The following EBF4 variants were observed in gnomAD, a reference collection of about 807,000 sequenced individuals.
The protein encoded by EBF4 is transcription factor COE4.
EBF4 carries 34 observed loss-of-function variants against 67.1 expected under a neutral mutation model. The observed-to-expected ratio is 0.51, with a 90% CI of 0.39 to 0.67. EBF4 has a LOEUF of 0.67. Among genes scored for constraint, EBF4 ranks in the 30% least tolerant of loss-of-function variants. The probability of loss-of-function intolerance (pLI) is 0.00; values close to 1 mark genes in which losing one functional copy is unlikely to be tolerated. For missense variants in EBF4, 837 were observed against 873.3 expected (o/e 0.96, Z 0.52); for synonymous variants, 387 against 377.7 (o/e 1.02, Z -0.29).
At position 2,724,492 on chromosome 20, in the gene EBF4, TC is replaced by T. The variant is rs1298228898; in HGVS notation, c.557+14851del. Among the ~76,000 whole-genome samples, 4 of 152,360 alleles carry T rather than the reference TC, an allele frequency of 2.6e-5. No homozygotes were observed. The East Asian group carries it at 7.7e-4, about 29-fold the overall frequency. ...AAGATTGGCTGGTAATAAATTGTGT[TC>T]TCACTTTTGTCTTTGTATGACTCCG... On this transcript the variant is annotated intron_variant, in intron 6 of 16. Coordinates refer to ENST00000609451, the Ensembl canonical transcript of EBF4.
chr20:2,702,377 A>G (rs2087388799), intron 1 of EBF4, among the ~76,000 whole-genome samples: 1 of 151,804 alleles, frequency 6.6e-6, no homozygotes, highest in Non-Finnish European at 1.5e-5. Context: ...GCAGTGAGCT[A>G]TAATTGTGCC....
chr20:2,726,728 A>C (rs1054974333), intron 6 of EBF4, among the ~76,000 whole-genome samples: 1 of 152,174 alleles, frequency 6.6e-6, no homozygotes, highest in Non-Finnish European at 1.5e-5. Flanking sequence ...AAACTTTACA[A>C]TTAGATTATC....
chr20:2,698,283 C>G (rs2087325174), intron 1 of EBF4, among the ~76,000 whole-genome samples: 1 of 152,270 alleles, frequency 6.6e-6, no homozygotes, highest in Admixed American at 6.5e-5. Flanking sequence ...AACCTCATCT[C>G]CAGCAGGACC....
chr20:2,752,119 G>A, exon 13 of EBF4: 2 of 1,468,226 alleles, frequency 1.4e-6, no homozygotes, highest in Non-Finnish European at 1.8e-6. Flanking sequence ...GGACGTGGCC[G>A]AGGCTCTGTA....
Position 2,735,507 on chromosome 20 carries a change from G to C in EBF4, c.558-13042G>C, listed in dbSNP as rs146693630. 4.4e-3 allele frequency among the ~76,000 whole-genome samples: 663 copies of C among 152,302 alleles called. 4 individuals carry two copies. Among genetic ancestry groups the C allele is most frequent in the Non-Finnish European group, 7.9e-3 (535 of 68,024 alleles). On this transcript the variant is annotated intron_variant, in intron 6 of 16. Coordinates refer to ENST00000609451, the Ensembl canonical transcript of EBF4. ...TTAGAGTTCTGAGAAAGTTGATTTT[G>C]ACCATGTTTGCCAGTGTTCTTGTTT...
intron 1 of EBF4, among the ~76,000 whole-genome samples, chr20:2,699,473 A>G (rs374440495): frequency 6.6e-5 from 10 of 152,332 alleles, no homozygotes; most frequent in African/African-American, 2.4e-4. Context: ...GTGGGGCACA[A>G]TGAAAATACA....
rs2146519248 is a variant in EBF4, at chr20:2,755,496, A to G, written c.1541-131A>G. 1.6e-6 allele frequency: 1 copy of G among 635,994 alleles called. No individual in the cohort carries two copies. The highest frequency in any genetic ancestry group is 2.8e-6 in the Non-Finnish European group (1 of 351,274). The allele number at this position is 635,994 out of a possible 1,614,324, so 39.4% of individuals were successfully genotyped here. ...CAGGACCCTCACAGCTCCCAGTGAG[A>G]TCTGAGCCTGGTACCTGTGTCAGCA... is the stretch of plus-strand genomic sequence containing the variant. On this transcript the variant is annotated intron_variant, in intron 14 of 16. Transcript: ENST00000609451. The surrounding 1 kb of genome is among the most constrained non-coding windows in gnomAD (Gnocchi z 4.7).
intron 6 of EBF4, among the ~76,000 whole-genome samples, chr20:2,744,974 G>A (rs2088028337): frequency 6.6e-6 from 1 of 152,142 alleles, no homozygotes; most frequent in South Asian, 2.1e-4. Flanking sequence ...GAAATCTGAT[G>A]TGTGTTTTAC....
intron 1 of EBF4, among the ~76,000 whole-genome samples, chr20:2,697,470 G>A (rs991461252): frequency 7.9e-5 from 12 of 151,962 alleles, no homozygotes; most frequent in South Asian, 2.1e-4. Flanking sequence ...GCGTGAACCC[G>A]GGAGGCGGAG....
Position 2,693,927 on chromosome 20 carries a change from G to A in EBF4, c.137+145G>A. 1.8e-6 allele frequency: 2 copies of A among 1,114,652 alleles called. No homozygotes were observed. Among genetic ancestry groups the A allele is most frequent in the Non-Finnish European group, 2.3e-6 (2 of 879,104 alleles). 69.0% of individuals were successfully genotyped at this position (1,114,652 alleles called of 1,614,324 possible). On this transcript the variant is annotated intron_variant, in intron 1 of 16. Coordinates refer to ENST00000609451, the Ensembl canonical transcript of EBF4. This position sits in a 1 kb window ranked among gnomAD's most constrained non-coding sequence, Gnocchi z 4.6. ...CGAGCTCCCCGGCCCACCCCGTCCG[G>A]AGTGCCTGTGCTGCCTCCTGAGGCT...
rs1368087893 is a variant in EBF4, at chr20:2,756,436, T to C, written c.1738+612T>C. Among the ~76,000 whole-genome samples the C allele has an allele frequency of 6.6e-6, 1 of 152,198 alleles. No homozygotes were observed. Among genetic ancestry groups the C allele is most frequent in the Non-Finnish European group, 1.5e-5 (1 of 68,038 alleles). ...ATCCACGTGGTGATTGGAAACTCACTGGGAGGACAGAGGAAGGGACTGGCT... is the reference window on the plus strand; with the variant it reads ...ATCCACGTGGTGATTGGAAACTCACCGGGAGGACAGAGGAAGGGACTGGCT... On this transcript the variant is annotated intron_variant, in intron 15 of 16. Transcript: ENST00000609451. This position sits in a 1 kb window ranked among gnomAD's most constrained non-coding sequence, Gnocchi z 4.5.
At chr20:2,749,097 G>A (rs531314328) in intron 7 of EBF4, among the ~76,000 whole-genome samples, 1 of 152,276 alleles carries the variant, frequency 6.6e-6, no homozygotes, top group East Asian at 1.9e-4. Context: ...TTGGAGGTCC[G>A]TGGATACAAC....
chr20:2,694,042 C>T (rs113328346), intron 1 of EBF4, among the ~76,000 whole-genome samples: 2,513 of 152,326 alleles, frequency 0.016, 61 homozygotes, highest in African/African-American at 0.057. Flanking sequence ...CGGTGAACGC[C>T]ACCCCAGCCG....
exon 8 of EBF4, chr20:2,749,488 C>T: frequency 6.5e-7 from 1 of 1,548,392 alleles, no homozygotes; most frequent in Non-Finnish European, 8.7e-7. Flanking sequence ...CAAGCATGGC[C>T]GCAGGGCGCG....
At position 2,749,840 on chromosome 20, in the gene EBF4, C is replaced by T; in HGVS notation, c.892-7C>T. 2 of 1,548,250 alleles carry T rather than the reference C, an allele frequency of 1.3e-6. No individual in the cohort carries two copies. Among genetic ancestry groups the T allele is most frequent in the African/African-American group, 1.4e-5 (1 of 73,156 alleles). ...GGGACCTGCAGGCCTCCCCTCTCCC[C>T]TCGCAGCTCATCACGCCCCACGCCA... On this transcript the variant is annotated splice_region_variant and splice_polypyrimidine_tract_variant and intron_variant, in intron 9 of 16. Transcript: ENST00000609451.
intron 12 of EBF4, 28 bp from the exon 13 acceptor site, chr20:2,752,058 C>G (rs1198089670): frequency 1.2e-5 from 18 of 1,453,584 alleles, no homozygotes; most frequent in Admixed American, 3.0e-5. Context: ...GCGGCTGCCC[C>G]GGCCGTGCCC....
intron 6 of EBF4, among the ~76,000 whole-genome samples, chr20:2,735,411 G>C (rs985055098): frequency 6.6e-6 from 1 of 152,152 alleles, no homozygotes; most frequent in African/African-American, 2.4e-5. Context: ...AAAGCTTTCT[G>C]TTCTTATTAC....
rs751318967 is a variant in EBF4 at position 2,705,721 on chromosome 20, G to C, written c.282G>C (p.Val94=). 1.9e-6 allele frequency: 3 copies of C among 1,550,098 alleles called. No homozygotes were observed. The South Asian group carries it at 3.6e-5, about 18-fold the overall frequency. Residue 94 remains valine (V), a synonymous_variant, in exon 2 of 17, where the codon GTG becomes GTC. Coordinates refer to ENST00000609451, the Ensembl canonical transcript of EBF4. Reference sequence around the variant, plus strand: ...AGCGCACAGCCTTCATCGACTTCGTGGAAAAGGACCGAGTGAGAGGCTCAT... The same window carrying C: ...AGCGCACAGCCTTCATCGACTTCGTCGAAAAGGACCGAGTGAGAGGCTCAT...
chr20:2,693,701 C>A lies in EBF4; in HGVS notation c.56C>A (p.Pro19Gln). ...AGCGGGCTGAACCTGAAGGAGGAGC[C>A]GCTGCTGCCCGCCGGCCTGGGCTCA... The change falls in exon 1 of 17, where the codon CCG (proline) becomes CAG (glutamine). Residue 19 changes from proline (P) to glutamine (Q), a missense_variant. This residue lies in a region of EBF4 where 86 missense variants were observed against 70.3 expected (regional missense o/e 1.22). Coordinates refer to ENST00000609451, the Ensembl canonical transcript of EBF4. This position sits in a 1 kb window ranked among gnomAD's most constrained non-coding sequence, Gnocchi z 4.6. The A allele has an allele frequency of 7.0e-7, 1 of 1,424,998 alleles. No individual in the cohort carries two copies. The highest frequency in any genetic ancestry group is 2.9e-5 in the Admixed American group (1 of 34,302). The allele number at this position is 1,424,998 out of a possible 1,614,324, so 88.3% of individuals were successfully genotyped here.
Sources: allele counts gnomAD v4.1 joint callset (sites outside exome capture counted in the v4.1 genomes callset), GRCh38; gene constraint gnomAD v4.1.1; regional missense constraint gnomAD v4.1.1; non-coding constraint Gnocchi (gnomAD v3.1); transcripts MANE v1.5; gene names NCBI Gene and HGNC (gene_info 2026-07-23, HGNC 2026-07-21).